The following PRRC2B variants were observed in gnomAD, a reference collection of about 807,000 sequenced individuals.
PRRC2B encodes the protein protein PRRC2B.
Under a neutral mutation model 242.3 loss-of-function variants are expected in PRRC2B, and 68 were observed. The observed-to-expected ratio is 0.28, with a 90% CI of 0.23 to 0.34. PRRC2B has a LOEUF of 0.34. Ranked by LOEUF, PRRC2B falls within the 10% of genes least tolerant of loss-of-function variation. The probability of loss-of-function intolerance (pLI) is 1.00; values close to 1 mark genes in which losing one functional copy is unlikely to be tolerated. For synonymous variants in PRRC2B, 1,228 were observed against 1,173.6 expected (o/e 1.05, Z -0.95); for missense variants, 2,835 against 2,954.8 (o/e 0.96, Z 0.94).
intron 14 of PRRC2B, 39 bp downstream of exon 14, chr9:131,471,022 C>G (rs1257804444): frequency 6.1e-6 from 9 of 1,479,976 alleles, no homozygotes; most frequent in Admixed American, 2.0e-5. Flanking sequence ...CTGTATCACC[C>G]AGGATAGCGT....
Position 131,375,698 on chromosome 9 carries a change from A to T in PRRC2B, c.-56+1967A>T, listed in dbSNP as rs75631430. Among the ~76,000 whole-genome samples the T allele has an allele frequency of 5.3e-5, 8 of 152,158 alleles. No individual in the cohort carries two copies. In the East Asian group the frequency reaches 7.7e-4, roughly 15 times the overall value. ...ATAAAATTTACTTAAACTTTCTGAG[A>T]CTCAGTTTCCTCCTCTGTAAATGAG... is the stretch of plus-strand genomic sequence containing the variant. On this transcript the variant is annotated intron_variant, in intron 1 of 1. Coordinates refer to the PRRC2B transcript ENST00000682525.
At chr9:131,400,686 A>T (rs1298985293) in intron 1 of PRRC2B, among the ~76,000 whole-genome samples, 1 of 152,122 alleles carries the variant, frequency 6.6e-6, no homozygotes, top group African/African-American at 2.4e-5. Context: ...TGCTGGGATT[A>T]CAGGCATGAG....
chr9:131,481,535 C>T (rs1271091174), intron 19 of PRRC2B, among the ~76,000 whole-genome samples, 191 bp from the exon 20 acceptor site: 1 of 151,764 alleles, frequency 6.6e-6, no homozygotes. Context: ...TTGGGTAAGG[C>T]TGTCAGACCA....
intron 10 of PRRC2B, among the ~76,000 whole-genome samples, chr9:131,456,644 A>C (rs1319072055): frequency 1.3e-5 from 2 of 151,874 alleles, no homozygotes; most frequent in African/African-American, 4.8e-5. Context: ...CCTCAAAAAA[A>C]AAAAATACCC....
chr9:131,438,791 C>T (rs924789515), intron 4 of PRRC2B, among the ~76,000 whole-genome samples, 198 bp from the exon 5 acceptor site: 2 of 152,124 alleles, frequency 1.3e-5, no homozygotes, highest in South Asian at 2.1e-4. Flanking sequence ...GGCATTTTCT[C>T]GTCCCTGGGA....
intron 13 of PRRC2B, 31 bp downstream of exon 13, chr9:131,467,784 T>G (rs1214324951): frequency 4.4e-6 from 7 of 1,608,516 alleles, no homozygotes; most frequent in Non-Finnish European, 6.0e-6. Context: ...AAGACTGTGA[T>G]AAACAGGCCT....
At chr9:131,392,622 G>A (rs2991190), upstream of PRRC2B, among the ~76,000 whole-genome samples, 148,486 of 152,234 alleles carry the variant, frequency 0.98, 72,532 homozygotes, top group East Asian at 1. Flanking sequence ...GAATAATGCA[G>A]ATTTGATGAT....
At chr9:131,375,002 T>G (rs1836666035) in intron 1 of PRRC2B, among the ~76,000 whole-genome samples, 1 of 152,204 alleles carries the variant, frequency 6.6e-6, no homozygotes, top group Non-Finnish European at 1.5e-5. Flanking sequence ...AATTAATGTG[T>G]AGGTAGACTG....
rs773163283 is a variant in PRRC2B, at chr9:131,482,404, G to A, written c.5017G>A (p.Val1673Ile). The stretch of plus-strand genomic sequence containing the variant: ...TAAGAGCAGCCAGGGAGATAGTGGC[G>A]TTGACTTGAGTGCCGAGTCTCGGGA... ...GFKSSQGDSG[V>I]DLSAESRESS... The change falls in exon 21 of 32, where the codon GTT becomes ATT. Residue 1673 changes from valine (V) to isoleucine (I), a missense_variant. Physicochemically the swap from Val to Ile is conservative, Grantham distance 29 (BLOSUM62 3). Around this residue, in one of 7 missense-constraint regions of PRRC2B, gnomAD observed 38 missense variants for 73.3 expected, o/e 0.52. Transcript: ENST00000683519. This position sits in a 1 kb window ranked among gnomAD's most constrained non-coding sequence, Gnocchi z 5.2. 64 of 1,596,718 alleles carry A rather than the reference G, an allele frequency of 4.0e-5. 1 individual carries two copies. Among genetic ancestry groups the A allele is most frequent in the South Asian group, 6.6e-5 (6 of 90,344 alleles).
At position 131,476,166 on chromosome 9, in the gene PRRC2B, G is replaced by A. The variant is rs201948628; in HGVS notation, c.4037G>A (p.Cys1346Tyr). Residue 1346 changes from cysteine to tyrosine, a missense_variant, in exon 16 of 32, where the codon TGT becomes TAT. Cys to Tyr is a radical substitution (Grantham distance 194). Transcript: ENST00000683519. ...CAGTGGCCAGGCAGGCCCAAACTGT[G>A]TTCTGGGGACAAGAGTGGCACTGTG... ...AGQWPGRPKL[C>Y]SGDKSGTVGR... 1.9e-6 allele frequency: 3 copies of A among 1,613,444 alleles called. No individual in the cohort carries two copies. Among genetic ancestry groups the A allele is most frequent in the East Asian group, 2.2e-5 (1 of 44,890 alleles).
At position 131,430,519 on chromosome 9, in the gene PRRC2B, ATAGATAG is replaced by A. The variant is rs1838113838; in HGVS notation, c.115+261_115+267del. Among the ~76,000 whole-genome samples the A allele has an allele frequency of 2.1e-3, 39 of 18,474 alleles. 1 individual carries two copies. In the South Asian group the frequency reaches 0.13, roughly 62 times the overall value. The allele number at this position is 18,474 out of a possible 152,430, so 12.1% of individuals were successfully genotyped here. On this transcript the variant is annotated intron_variant, in intron 2 of 31. Coordinates refer to ENST00000683519, the MANE Select transcript of PRRC2B (RefSeq NM_013318.4). ...TATATCTATAGATATCTATAGATAG[ATAGATAG>A]ATATCTATCTATAGATATCTATAGG... is the stretch of plus-strand genomic sequence containing the variant.
At chr9:131,387,523 T>C (rs1017838971) in intron 1 of PRRC2B, among the ~76,000 whole-genome samples, 3 of 150,454 alleles carry the variant, frequency 2.0e-5, no homozygotes, top group African/African-American at 7.3e-5. Context: ...GAGAACCAAA[T>C]GGACTAAGTC....
At chr9:131,404,216 C>CTT (rs34149279) in intron 1 of PRRC2B, among the ~76,000 whole-genome samples, 18 of 127,036 alleles carry the variant, frequency 1.4e-4, no homozygotes, top group East Asian at 2.2e-4. Context: ...TCCCAGTTGA[C>CTT]TTTTTTTTTT....
At chr9:131,408,033 A>G (rs1277858672) in intron 1 of PRRC2B, among the ~76,000 whole-genome samples, 1 of 152,076 alleles carries the variant, frequency 6.6e-6, no homozygotes, top group Admixed American at 6.6e-5. Context: ...GCTTCTGGTG[A>G]TAGTCATTGT....
At chr9:131,384,390 C>T (rs998293284) in intron 1 of PRRC2B, among the ~76,000 whole-genome samples, 1 of 152,082 alleles carries the variant, frequency 6.6e-6, no homozygotes, top group Non-Finnish European at 1.5e-5. Flanking sequence ...TCAAGTGATT[C>T]TCCTGCCTCA....
Position 131,419,983 on chromosome 9 carries a change from G to A in PRRC2B, c.-51-10111G>A, listed in dbSNP as rs1014586495. On this transcript the variant is annotated intron_variant, in intron 1 of 31. Coordinates refer to ENST00000683519, the MANE Select transcript of PRRC2B (RefSeq NM_013318.4). ...GGGACCCAGCTGACCATGTGGTTCC[G>A]GCAAGGGGCTTGCAACTAAGTGCTG... Among the ~76,000 whole-genome samples, 242 of 152,222 alleles carry A rather than the reference G, an allele frequency of 1.6e-3. 2 individuals are homozygous for A. The highest frequency in any genetic ancestry group is 5.0e-3 in the African/African-American group (209 of 41,502).
intron 1 of PRRC2B, among the ~76,000 whole-genome samples, chr9:131,388,156 C>G (rs967191109): frequency 6.8e-6 from 1 of 148,084 alleles, no homozygotes; most frequent in African/African-American, 2.5e-5. Flanking sequence ...CCACTGCACT[C>G]CAGCCTGGGC....
upstream of PRRC2B, among the ~76,000 whole-genome samples, chr9:131,390,783 T>A (rs1836891275): frequency 3.5e-4 from 1 of 2,836 alleles, no homozygotes; most frequent in Non-Finnish European, 2.7e-3. Flanking sequence ...TGCCCTAGCT[T>A]TTTTTTTTTT....
chr9:131,389,602 C>T (rs944074103), upstream of PRRC2B, among the ~76,000 whole-genome samples: 2 of 150,512 alleles, frequency 1.3e-5, no homozygotes, highest in African/African-American at 2.4e-5. Context: ...AGGCTGGGCA[C>T]CCACCTCCAG....
Sources: allele counts gnomAD v4.1 joint callset (sites outside exome capture counted in the v4.1 genomes callset), GRCh38; gene constraint gnomAD v4.1.1; regional missense constraint gnomAD v4.1.1; non-coding constraint Gnocchi (gnomAD v3.1); transcripts MANE v1.5; gene names NCBI Gene and HGNC (gene_info 2026-07-23, HGNC 2026-07-21).